SYN3: variants seen among roughly 807,000 people sequenced by gnomAD.
The protein encoded by SYN3 is synapsin III, also known as synapsin-3.
SYN3 carries 35 observed loss-of-function variants against 65.8 expected under a neutral mutation model. The ratio of observed to expected loss-of-function variants is 0.53; its 90% CI spans 0.41 to 0.70. The LOEUF is 0.70. Ranked by LOEUF, SYN3 falls within the 30% of genes least tolerant of loss-of-function variation. SYN3 has a pLI of 0.00. For missense variants in SYN3, 680 were observed against 749.0 expected (o/e 0.91, Z 1.08); for synonymous variants, 270 against 292.9 (o/e 0.92, Z 0.80).
chr22:32,757,204 G>C (rs2045316363), intron 6 of SYN3, among the ~76,000 whole-genome samples: 1 of 151,890 alleles, frequency 6.6e-6, no homozygotes, highest in Non-Finnish European at 1.5e-5. Flanking sequence ...CTTAGTTCCA[G>C]AGGGAGGAAC....
intron 6 of SYN3, among the ~76,000 whole-genome samples, chr22:32,775,050 A>G (rs2045876238): frequency 6.6e-6 from 1 of 152,128 alleles, no homozygotes; most frequent in African/African-American, 2.4e-5. Context: ...TAAACTTAGC[A>G]GCAGATTTTA....
At chr22:32,668,322 C>A (rs1317833944) in intron 6 of SYN3, among the ~76,000 whole-genome samples, 3 of 152,170 alleles carry the variant, frequency 2.0e-5, no homozygotes, top group Admixed American at 6.5e-5. Flanking sequence ...ATGAAAATGA[C>A]AATCGGTTTT....
intron 6 of SYN3, among the ~76,000 whole-genome samples, chr22:32,710,645 A>AAAAAAAAAAAAAAAAAAAAAAAAAG (rs1555931894): frequency 1.3e-4 from 16 of 127,014 alleles, no homozygotes; most frequent in East Asian, 3.8e-4. Flanking sequence ...AAAAAAAAAA[A>AAAAAAAAAAAAAAAAAAAAAAAAAG]AAAGAAAGAA....
intron 6 of SYN3, among the ~76,000 whole-genome samples, chr22:32,725,116 CAAACA>C (rs1353001722): frequency 1.3e-5 from 2 of 152,104 alleles, no homozygotes; most frequent in Admixed American, 1.3e-4. Flanking sequence ...GACTTTGTCT[CAAACA>C]AAACAAAACA....
At position 33,006,545 on chromosome 22, in the gene SYN3, T is replaced by C. The variant is rs1288460462; in HGVS notation, c.118A>G (p.Met40Val). The change falls in exon 2 of 14, where the codon ATG becomes GTG. Residue 40 changes from methionine to valine, a missense_variant. By Grantham distance (21) the Met-to-Val change is conservative. Transcript: ENST00000358763. ...AGGGGCTGGGGGTGCCTCCTCTCCA[T>C]GGCGGGGGAAGCAGGTGAGCTGGTG... ...SSTSSPASPA[M>V]ERRHPQPLAA... 4 of 1,614,010 alleles carry C rather than the reference T, an allele frequency of 2.5e-6. No individual in the cohort carries two copies. The highest frequency in any genetic ancestry group is 1.3e-5 in the African/African-American group (1 of 74,932).
chr22:32,687,867 C>T (rs4821086), intron 6 of SYN3, among the ~76,000 whole-genome samples: 1 of 152,060 alleles, frequency 6.6e-6, no homozygotes, highest in African/African-American at 2.4e-5. Context: ...ATGTAAGTGT[C>T]GGCTGTTGTG....
At chr22:33,016,655 A>G (rs2053472486) in intron 1 of SYN3, among the ~76,000 whole-genome samples, 1 of 152,180 alleles carries the variant, frequency 6.6e-6, no homozygotes, top group African/African-American at 2.4e-5. Flanking sequence ...GATGATTAGT[A>G]ATAATGAGCA....
At chr22:32,894,082 C>A (rs2049523628) in intron 4 of SYN3, among the ~76,000 whole-genome samples, 1 of 152,134 alleles carries the variant, frequency 6.6e-6, no homozygotes. Flanking sequence ...CTGTTACTGG[C>A]CTACTTGTGT....
At chr22:32,942,373 G>A (rs1475385031) in intron 3 of SYN3, among the ~76,000 whole-genome samples, 1 of 152,258 alleles carries the variant, frequency 6.6e-6, no homozygotes, top group Non-Finnish European at 1.5e-5. Flanking sequence ...CAACAGACCT[G>A]CAGCTGAGGG....
At chr22:32,870,834 A>T (rs1273196492) in intron 4 of SYN3, among the ~76,000 whole-genome samples, 2 of 152,208 alleles carry the variant, frequency 1.3e-5, no homozygotes, top group Non-Finnish European at 2.9e-5. Context: ...AAGTCTGTTC[A>T]CATCCTTTTC....
chr22:32,508,370 T>C lies in SYN3; in HGVS notation c.*5322A>G, dbSNP rs1310062483. On this transcript the variant is annotated 3_prime_UTR_variant, in exon 14 of 14. Transcript: ENST00000358763. ...TTTTCCATTACCTTCCCAAATCCTA[T>C]AAAACGGCCCCATCCCTACTCCCTT... Among the ~76,000 whole-genome samples the C allele has an allele frequency of 6.6e-6, 1 of 152,154 alleles. No homozygotes were observed. Among genetic ancestry groups the C allele is most frequent in the Non-Finnish European group, 1.5e-5 (1 of 68,038 alleles).
Position 32,771,079 on chromosome 22 carries a change from C to A in SYN3, c.711+93836G>T, listed in dbSNP as rs1044767719. On this transcript the variant is annotated intron_variant, in intron 6 of 13. Transcript: ENST00000358763. ...CCCTTGCCCCTCACCCCCCAACAGG[C>A]CCTGGTGTGTGATGTTCCCCTCCCT... 3.3e-5 allele frequency among the ~76,000 whole-genome samples: 5 copies of A among 152,082 alleles called. No individual in the cohort carries two copies. In the East Asian group the frequency reaches 5.8e-4, roughly 18 times the overall value.
At chr22:32,692,409 T>C (rs1332301266) in intron 6 of SYN3, among the ~76,000 whole-genome samples, 1 of 152,168 alleles carries the variant, frequency 6.6e-6, no homozygotes, top group Non-Finnish European at 1.5e-5. Flanking sequence ...TTTGGTCCTC[T>C]ACCCAGAAAT....
At chr22:32,534,108 G>A (rs936355011) in intron 9 of SYN3, among the ~76,000 whole-genome samples, 1 of 152,176 alleles carries the variant, frequency 6.6e-6, no homozygotes, top group Non-Finnish European at 1.5e-5. Flanking sequence ...GGCAGGGAGA[G>A]AGGCAGGGAC....
At chr22:32,770,511 C>A (rs567332934) in intron 6 of SYN3, among the ~76,000 whole-genome samples, 16 of 152,142 alleles carry the variant, frequency 1.1e-4, no homozygotes, top group Admixed American at 1.0e-3. Context: ...TAGAACACCC[C>A]GAGTTTGCTA....
At chr22:32,858,837 G>A (rs145517392) in intron 6 of SYN3, among the ~76,000 whole-genome samples, 392 of 152,072 alleles carry the variant, frequency 2.6e-3, no homozygotes, top group African/African-American at 8.6e-3. Context: ...CTAATTCCTC[G>A]ATTCCCTAAA....
chr22:32,668,725 C>T (rs2147052227), intron 6 of SYN3, among the ~76,000 whole-genome samples: 1 of 152,306 alleles, frequency 6.6e-6, no homozygotes, highest in East Asian at 1.9e-4. Context: ...TCCAGTGAGT[C>T]TATCTGGGGA....
chr22:32,903,157 AC>A (rs1325906811), intron 4 of SYN3, among the ~76,000 whole-genome samples: 1 of 151,916 alleles, frequency 6.6e-6, no homozygotes, highest in East Asian at 1.9e-4. Flanking sequence ...CTAAAGGTAC[AC>A]TCCTGTGACT....
In SYN3 at chr22:32,837,445, C is replaced by T. The variant is rs940306298; in HGVS notation, c.711+27470G>A. On this transcript the variant is annotated intron_variant, in intron 6 of 13. Transcript: ENST00000358763. This position sits in a 1 kb window ranked among gnomAD's most constrained non-coding sequence, Gnocchi z 4.1. ...GCATGCCCCCTTAAACTTGATGTCT[C>T]CTCAGAGCACAGCACAGATGCCCAG... is the stretch of plus-strand genomic sequence containing the variant. 6.6e-6 allele frequency among the ~76,000 whole-genome samples: 1 copy of T among 152,232 alleles called. No individual in the cohort carries two copies. The highest frequency in any genetic ancestry group is 2.4e-5 in the African/African-American group (1 of 41,518).
Sources: allele counts gnomAD v4.1 joint callset (sites outside exome capture counted in the v4.1 genomes callset), GRCh38; gene constraint gnomAD v4.1.1; non-coding constraint Gnocchi (gnomAD v3.1); transcripts MANE v1.5; gene names NCBI Gene and HGNC (gene_info 2026-07-23, HGNC 2026-07-21).